The following SKP1 variants were observed in gnomAD, a reference collection of about 807,000 sequenced individuals.
SKP1 encodes the protein S-phase kinase associated protein 1.
A neutral mutation model predicts 21.5 loss-of-function variants in SKP1; 1 was observed. The ratio of observed to expected loss-of-function variants is 0.05; its 90% CI spans 0.02 to 0.22. The LOEUF (loss-of-function observed/expected upper bound fraction) is 0.22. SKP1 is among the 10% of genes least tolerant of loss of function. The pLI is 1.00. For missense variants in SKP1, 70 were observed against 192.0 expected, an observed-to-expected ratio of 0.36 and a Z score of 3.76; for synonymous variants, 59 against 59.3, an observed-to-expected ratio of 0.99 and a Z score of 0.03.
At chr5:134,176,285 G>A (rs1353003897) in intron 1 of SKP1, among the ~76,000 whole-genome samples, 1 of 152,156 alleles carries the variant, frequency 6.6e-6, no homozygotes, top group Non-Finnish European at 1.5e-5. Flanking sequence ...GAAAGCCGGC[G>A]CCCGCACACG....
intron 2 of SKP1, 47 bp from the exon 3 acceptor site, chr5:134,167,290 A>G: frequency 1.7e-6 from 2 of 1,154,960 alleles, no homozygotes; most frequent in East Asian, 2.3e-5. Context: ...CCATTATAAT[A>G]CTTATACCAA....
chr5:134,171,950 A>C (rs1423014781), intron 2 of SKP1, among the ~76,000 whole-genome samples: 1 of 152,234 alleles, frequency 6.6e-6, no homozygotes, highest in East Asian at 1.9e-4. Context: ...AGGCGGAGGC[A>C]GGAGAAGTGC....
At chr5:134,158,112 TA>T in intron 5 of SKP1, 1 of 1,401,912 alleles carries the variant, frequency 7.1e-7, no homozygotes. Flanking sequence ...TAAGTTGCTC[TA>T]AAGTACCCTA....
intron 3 of SKP1, among the ~76,000 whole-genome samples, chr5:134,166,532 G>A (rs1761334498): frequency 8.7e-6 from 1 of 114,602 alleles, no homozygotes; most frequent in Admixed American, 1.4e-4. Context: ...AGTGAGCCGA[G>A]ATCATACCAC....
At chr5:134,164,581 T>G (rs962332156) in intron 3 of SKP1, among the ~76,000 whole-genome samples, 5 of 152,200 alleles carry the variant, frequency 3.3e-5, no homozygotes, top group Non-Finnish European at 7.3e-5. Context: ...TGGATGGCAT[T>G]TGAATGTACC....
chr5:134,170,198 G>A (rs1761415583), intron 2 of SKP1, among the ~76,000 whole-genome samples: 1 of 149,442 alleles, frequency 6.7e-6, no homozygotes, highest in Non-Finnish European at 1.5e-5. Flanking sequence ...TAAAATAAAG[G>A]CTTTTATGAC....
chr5:134,167,123 G>T (rs775026979), intron 3 of SKP1, 47 bp downstream of exon 3: 2 of 892,808 alleles, frequency 2.2e-6, no homozygotes, highest in South Asian at 1.4e-5. Flanking sequence ...TAATCAATTG[G>T]TGTTATATAT....
rs546054775 is a variant in SKP1 at position 134,149,233 on chromosome 5, C to A, written c.*8500G>T. Reference sequence around the variant, plus strand: ...AGGATTTCATACCTCATCCCCCTTTCATCTCCCACCTTTTGAAGTCTCCAA... The same window carrying A: ...AGGATTTCATACCTCATCCCCCTTTAATCTCCCACCTTTTGAAGTCTCCAA... On this transcript the variant is annotated 3_prime_UTR_variant, in exon 6 of 6. Coordinates refer to ENST00000353411, the MANE Select transcript of SKP1 (RefSeq NM_170679.3). 2.6e-5 allele frequency: 4 copies of A among 152,340 alleles called. No individual in the cohort carries two copies. In the East Asian group the frequency reaches 5.8e-4, roughly 22 times the overall value. The allele number at this position is 152,340 out of a possible 1,614,324, so 9.4% of individuals were successfully genotyped here.
intron 4 of SKP1, among the ~76,000 whole-genome samples, chr5:134,159,608 T>C (rs1249684680): frequency 1.3e-5 from 2 of 150,790 alleles, no homozygotes; most frequent in Admixed American, 6.6e-5. Flanking sequence ...AGGGCAGTGG[T>C]GCGATATCGG....
At position 134,168,441 on chromosome 5, in the gene SKP1, T is replaced by C. The variant is rs115772579; in HGVS notation, c.98-1198A>G. 8.6e-3 allele frequency among the ~76,000 whole-genome samples: 1,306 copies of C among 152,256 alleles called. 15 individuals are homozygous for C. The highest frequency in any genetic ancestry group is 0.016 in the Admixed American group (250 of 15,288). The stretch of plus-strand genomic sequence containing the variant: ...AGGCAGGGAGCTCCAAACATAATGG[T>C]ATGATCCTAAGATTAAAGTTTTTAA... On this transcript the variant is annotated intron_variant, in intron 2 of 5. Coordinates refer to ENST00000353411, the MANE Select transcript of SKP1 (RefSeq NM_170679.3).
chr5:134,162,351 C>T (rs1761236098), intron 3 of SKP1, among the ~76,000 whole-genome samples: 1 of 152,172 alleles, frequency 6.6e-6, no homozygotes, highest in Non-Finnish European at 1.5e-5. Context: ...CTTGCCCTCC[C>T]AAAGTGTTGG....
chr5:134,173,802 T>A (rs1384373232), intron 2 of SKP1, 124 bp downstream of exon 2: 3 of 721,880 alleles, frequency 4.2e-6, no homozygotes, highest in African/African-American at 1.7e-5. Flanking sequence ...AAGAAAAAAA[T>A]GTAAACTTTA....
At position 134,156,866 on chromosome 5, in the gene SKP1, TAAC is replaced by T. The variant is rs1580923584; in HGVS notation, c.*864_*866del. The T allele has an allele frequency of 1.3e-5, 2 of 152,790 alleles. No homozygotes were observed. The highest frequency in any genetic ancestry group is 3.9e-4 in the East Asian group (2 of 5,188). 9.5% of individuals were successfully genotyped at this position (152,790 alleles called of 1,614,324 possible). A position where few individuals can be genotyped will look rare whatever the true frequency, so the allele number is the denominator to read the frequency against. Reference sequence around the variant, plus strand: ...ACATTTAAGTCCACAAAAGCAAACTTAACTACCTACTATATAACTTACTTTTTA... The same window carrying T: ...ACATTTAAGTCCACAAAAGCAAACTTTACCTACTATATAACTTACTTTTTA... On this transcript the variant is annotated 3_prime_UTR_variant, in exon 6 of 6. Transcript: ENST00000353411.
chr5:134,170,884 C>A, intron 2 of SKP1: 1 of 397,384 alleles, frequency 2.5e-6, no homozygotes, highest in South Asian at 1.9e-5. Flanking sequence ...CTTTCAATGC[C>A]AAAGCAAGTA....
chr5:134,156,146 T>G lies in SKP1; in HGVS notation c.*1587A>C, dbSNP rs1345069144. 1 of 151,936 alleles carries G rather than the reference T, an allele frequency of 6.6e-6. No individual in the cohort carries two copies. Among genetic ancestry groups the G allele is most frequent in the African/African-American group, 2.4e-5 (1 of 41,326 alleles). The allele number at this position is 151,936 out of a possible 1,614,324, so 9.4% of individuals were successfully genotyped here. A position where few individuals can be genotyped will look rare whatever the true frequency, so the allele number is the denominator to read the frequency against. On this transcript the variant is annotated 3_prime_UTR_variant, in exon 6 of 6. Transcript: ENST00000353411. ...GTTTTTGCAGAAGTTGATCTTATAA[T>G]AGCAGGAATTGGTAGATGAGACAAT...
rs1174844736 is a variant in SKP1, at chr5:134,155,430, T to C, written c.*2303A>G. The C allele has an allele frequency of 1.3e-5, 2 of 152,230 alleles. No individual in the cohort carries two copies. The highest frequency in any genetic ancestry group is 2.4e-5 in the African/African-American group (1 of 41,470). 9.4% of individuals were successfully genotyped at this position (152,230 alleles called of 1,614,324 possible). On this transcript the variant is annotated 3_prime_UTR_variant, in exon 6 of 6. Transcript: ENST00000353411. ...TCTTAATACCATGTCTATGATTTAT[T>C]TGGGTCCACAATGGTGAAAAATGGC...
chr5:134,159,025 T>C (rs1429794721), intron 4 of SKP1, among the ~76,000 whole-genome samples: 1 of 152,264 alleles, frequency 6.6e-6, no homozygotes, highest in Admixed American at 6.5e-5. Context: ...ATTTCATTGA[T>C]TTCTGCCCTT....
Position 134,151,662 on chromosome 5 carries a change from TAAAGTTGA to T in SKP1, c.*6063_*6070del. The T allele has an allele frequency of 2.2e-6, 1 of 456,114 alleles. No homozygotes were observed. Among genetic ancestry groups the T allele is most frequent in the Non-Finnish European group, 4.4e-6 (1 of 226,880 alleles). 28.3% of individuals were successfully genotyped at this position (456,114 alleles called of 1,614,324 possible). A position where few individuals can be genotyped will look rare whatever the true frequency, so the allele number is the denominator to read the frequency against. ...TATACTTAAATACTTCCAGAAAATT[TAAAGTTGA>T]CAGATATCAGAAGGTCGCAAGAACT... is the stretch of plus-strand genomic sequence containing the variant. On this transcript the variant is annotated 3_prime_UTR_variant, in exon 6 of 6. Coordinates refer to ENST00000353411, the MANE Select transcript of SKP1 (RefSeq NM_170679.3).
intron 3 of SKP1, among the ~76,000 whole-genome samples, chr5:134,165,549 C>T (rs1300803737): frequency 6.7e-6 from 1 of 150,136 alleles, no homozygotes; most frequent in Non-Finnish European, 1.5e-5. Flanking sequence ...GAGATCGTGC[C>T]ACTGCACTCC....
Sources: gnomAD v4.1 joint callset for allele counts (sites outside exome capture counted in the v4.1 genomes callset) on GRCh38, gnomAD v4.1.1 for gene constraint, MANE v1.5 for transcripts, NCBI Gene and HGNC (gene_info 2026-07-23, HGNC 2026-07-21) for gene names.